The following IQCJ variants were observed in gnomAD, a reference collection of about 807,000 sequenced individuals.
IQCJ encodes the protein IQ motif containing J, also known as IQ domain-containing protein J.
IQCJ carries 9 observed loss-of-function variants against 11.0 expected under a neutral mutation model. That is an observed-to-expected ratio of 0.82 (90% CI 0.49 to 1.43). IQCJ has a LOEUF of 1.43. IQCJ is among the 40% of genes most tolerant of loss of function. The pLI is 0.00. For synonymous variants in IQCJ, 55 were observed against 51.3 expected (o/e 1.07, Z -0.31); for missense variants, 146 against 133.2 (o/e 1.10, Z -0.47).
chr3:159,108,595 A>G (rs1718420603), intron 1 of IQCJ, among the ~76,000 whole-genome samples: 2 of 152,216 alleles, frequency 1.3e-5, no homozygotes, highest in African/African-American at 4.8e-5. Flanking sequence ...TAAGAAAAAG[A>G]TTCTCAGTTA....
rs564437071 is a variant in IQCJ at position 159,070,326 on chromosome 3, C to T, written c.9+885C>T. Among the ~76,000 whole-genome samples, 504 of 152,086 alleles carry T rather than the reference C, an allele frequency of 3.3e-3. 4 individuals are homozygous for T. The highest frequency in any genetic ancestry group is 5.9e-3 in the Non-Finnish European group (400 of 67,962). The stretch of plus-strand genomic sequence containing the variant: ...AGCAATTAATAATATATTCAGCATC[C>T]CTTGTCTCATTGGGTGAGATTTACA... On this transcript the variant is annotated intron_variant, in intron 1 of 3. Coordinates refer to ENST00000397832, the MANE Select transcript of IQCJ (RefSeq NM_001042706.3).
chr3:159,086,270 A>T (rs924891188), intron 1 of IQCJ, among the ~76,000 whole-genome samples: 3 of 152,008 alleles, frequency 2.0e-5, no homozygotes, highest in Non-Finnish European at 4.4e-5. Flanking sequence ...TGTTCCATTG[A>T]TCTATATGTC....
At chr3:159,232,026 TC>T (rs1364495415) in intron 1 of IQCJ, among the ~76,000 whole-genome samples, 1 of 152,202 alleles carries the variant, frequency 6.6e-6, no homozygotes, top group Non-Finnish European at 1.5e-5. Context: ...TCTCTTTTCT[TC>T]TTTATTAGTC....
At chr3:159,071,465 C>G (rs1054096707) in intron 1 of IQCJ, among the ~76,000 whole-genome samples, 1 of 151,872 alleles carries the variant, frequency 6.6e-6, no homozygotes, top group Non-Finnish European at 1.5e-5. Flanking sequence ...AATAGGATGG[C>G]TAAAGATTTA....
At chr3:159,109,738 T>C (rs1718508192) in intron 1 of IQCJ, among the ~76,000 whole-genome samples, 1 of 152,040 alleles carries the variant, frequency 6.6e-6, no homozygotes, top group Non-Finnish European at 1.5e-5. Flanking sequence ...AAACATGGGA[T>C]TGGGACACAT....
intron 1 of IQCJ, among the ~76,000 whole-genome samples, chr3:159,086,263 T>G (rs139496364): frequency 2.0e-5 from 3 of 152,056 alleles, no homozygotes; most frequent in Non-Finnish European, 4.4e-5. Flanking sequence ...TCTGTTCTGT[T>G]CCATTGATCT....
At chr3:159,156,876 C>G (rs926419820) in intron 1 of IQCJ, among the ~76,000 whole-genome samples, 5 of 152,190 alleles carry the variant, frequency 3.3e-5, no homozygotes, top group African/African-American at 1.2e-4. Flanking sequence ...TATAAAGATT[C>G]ATCTTCCAAT....
chr3:159,218,627 G>C (rs1725368386), intron 1 of IQCJ, among the ~76,000 whole-genome samples: 1 of 152,110 alleles, frequency 6.6e-6, no homozygotes, highest in Non-Finnish European at 1.5e-5. Context: ...GAAGATTTGA[G>C]AGTTTTTAGG....
At chr3:159,134,134 C>T (rs920573515) in intron 1 of IQCJ, among the ~76,000 whole-genome samples, 1 of 152,070 alleles carries the variant, frequency 6.6e-6, no homozygotes, top group African/African-American at 2.4e-5. Flanking sequence ...TTCCTAGAGG[C>T]TGCCTGTGGT....
At chr3:159,166,993 G>C (rs577556035) in intron 1 of IQCJ, among the ~76,000 whole-genome samples, 2 of 152,158 alleles carry the variant, frequency 1.3e-5, no homozygotes, top group Non-Finnish European at 2.9e-5. Context: ...AATTCTGTAG[G>C]AGGCAACCCT....
intron 1 of IQCJ, among the ~76,000 whole-genome samples, chr3:159,202,814 A>G (rs1468910014): frequency 6.6e-6 from 1 of 152,006 alleles, no homozygotes; most frequent in Non-Finnish European, 1.5e-5. Flanking sequence ...AAGCCAAGCA[A>G]ATTTTAAATA....
At chr3:159,236,254 T>C (rs2108167374) in intron 1 of IQCJ, among the ~76,000 whole-genome samples, 1 of 143,066 alleles carries the variant, frequency 7.0e-6, no homozygotes, top group Middle Eastern at 3.5e-3. Context: ...ATAAACAAAA[T>C]GTATGCTCCT....
chr3:159,203,809 G>A (rs950901545), intron 1 of IQCJ, among the ~76,000 whole-genome samples: 9 of 152,170 alleles, frequency 5.9e-5, no homozygotes, highest in African/African-American at 2.2e-4. Context: ...TGGTGTACCA[G>A]GTGTGTGAGA....
intron 1 of IQCJ, among the ~76,000 whole-genome samples, chr3:159,189,802 C>A (rs1235165476): frequency 6.6e-6 from 1 of 152,222 alleles, no homozygotes; most frequent in African/African-American, 2.4e-5. Flanking sequence ...ATCTCAGGCT[C>A]AGACAAACCA....
At chr3:159,239,068 G>T (rs1333893170) in intron 1 of IQCJ, among the ~76,000 whole-genome samples, 6 of 151,872 alleles carry the variant, frequency 4.0e-5, no homozygotes, top group African/African-American at 1.5e-4. Flanking sequence ...GCTTTTAATA[G>T]TAAAATAAAA....
intron 1 of IQCJ, among the ~76,000 whole-genome samples, chr3:159,133,670 C>T (rs370486558): frequency 5.3e-5 from 8 of 152,052 alleles, no homozygotes; most frequent in Middle Eastern, 3.4e-3. Flanking sequence ...TTTTATAGTT[C>T]GCTGGAATGG....
chr3:159,140,196 GTGT>G lies in IQCJ; in HGVS notation c.9+70759_9+70761del, dbSNP rs139123185. The stretch of plus-strand genomic sequence containing the variant: ...TAGTTTACATTAGGGTTCACGATTG[GTGT>G]TGTACAGTCTATGTGTTTTGACAAA... On this transcript the variant is annotated intron_variant, in intron 1 of 3. Coordinates refer to ENST00000397832, the MANE Select transcript of IQCJ (RefSeq NM_001042706.3). Among the ~76,000 whole-genome samples, 1,019 of 152,242 alleles carry G rather than the reference GTGT, an allele frequency of 6.7e-3. 9 individuals are homozygous for G. Among genetic ancestry groups the G allele is most frequent in the African/African-American group, 0.024 (995 of 41,540 alleles).
rs565061877 is a variant in IQCJ at position 159,141,554 on chromosome 3, A to G, written c.9+72113A>G. Among the ~76,000 whole-genome samples the G allele has an allele frequency of 2.6e-5, 4 of 152,358 alleles. No homozygotes were observed. In the East Asian group the frequency reaches 7.7e-4, roughly 29 times the overall value. ...AAGGCAAAAGCAGCTTACATCATTT[A>G]TAATACAGTCCATGTTTGTGATAAG... On this transcript the variant is annotated intron_variant, in intron 1 of 3. Coordinates refer to ENST00000397832, the MANE Select transcript of IQCJ (RefSeq NM_001042706.3).
chr3:159,135,607 C>A (rs1319048882), intron 1 of IQCJ, among the ~76,000 whole-genome samples: 5 of 152,172 alleles, frequency 3.3e-5, no homozygotes, highest in Non-Finnish European at 7.3e-5. Context: ...CTGGGTACAT[C>A]TGTATCAAGA....
Sources: gnomAD v4.1 joint callset for allele counts (sites outside exome capture counted in the v4.1 genomes callset) on GRCh38, gnomAD v4.1.1 for gene constraint, MANE v1.5 for transcripts, NCBI Gene and HGNC (gene_info 2026-07-23, HGNC 2026-07-21) for gene names.